LRRFIP2: variants seen among roughly 807,000 people sequenced by gnomAD.
LRRFIP2 encodes LRR binding FLII interacting protein 2.
LRRFIP2 carries 109 observed loss-of-function variants against 125.9 expected under a neutral mutation model. The ratio of observed to expected loss-of-function variants is 0.87; its 90% CI spans 0.74 to 1.01. The LOEUF is 1.01. LRRFIP2 is among the 50% of genes least tolerant of loss of function. The probability of loss-of-function intolerance (pLI) is 0.00; values close to 1 mark genes in which losing one functional copy is unlikely to be tolerated. For synonymous variants in LRRFIP2, 291 were observed against 293.1 expected (o/e 0.99, Z 0.07); for missense variants, 850 against 862.3 (o/e 0.99, Z 0.18).
At chr3:37,090,451 A>G (rs1257034554) in intron 18 of LRRFIP2, among the ~76,000 whole-genome samples, 8 of 152,058 alleles carry the variant, frequency 5.3e-5, no homozygotes. Flanking sequence ...GCTGGTCTCA[A>G]ACTCCTGACC....
chr3:37,154,562 A>T (rs2096127527), intron 1 of LRRFIP2: 1 of 152,220 alleles, frequency 6.6e-6, no homozygotes, highest in Non-Finnish European at 1.5e-5. Context: ...TTACCCACAT[A>T]GTGTCAAGTT....
chr3:37,083,920 A>G, intron 18 of LRRFIP2, 114 bp from the exon 19 acceptor site: 5 of 795,264 alleles, frequency 6.3e-6, no homozygotes, highest in South Asian at 1.9e-5. Flanking sequence ...TTCATAAAAT[A>G]CAAGCGGTTT....
intron 20 of LRRFIP2, among the ~76,000 whole-genome samples, chr3:37,073,880 G>T (rs1194231135): frequency 6.6e-6 from 1 of 151,980 alleles, no homozygotes; most frequent in Non-Finnish European, 1.5e-5. Flanking sequence ...AAAGATAAAA[G>T]AACAAAAAGG....
At chr3:37,074,401 A>G (rs1393372239) in intron 20 of LRRFIP2, among the ~76,000 whole-genome samples, 1 of 152,190 alleles carries the variant, frequency 6.6e-6, no homozygotes, top group Non-Finnish European at 1.5e-5. Flanking sequence ...ATCTAAAAAC[A>G]TCGTCTCAGG....
chr3:37,150,410 C>A (rs1038825999), intron 1 of LRRFIP2, among the ~76,000 whole-genome samples: 1 of 152,002 alleles, frequency 6.6e-6, no homozygotes, highest in Non-Finnish European at 1.5e-5. Flanking sequence ...TTCAGTGAGC[C>A]GAGGTTGCAC....
intron 18 of LRRFIP2, among the ~76,000 whole-genome samples, chr3:37,084,772 T>C (rs926682017): frequency 3.9e-5 from 6 of 152,162 alleles, no homozygotes; most frequent in Non-Finnish European, 8.8e-5. Context: ...TCTCAAAATT[T>C]TCTGCCTAAA....
chr3:37,125,357 A>G (rs1047985151), intron 4 of LRRFIP2, among the ~76,000 whole-genome samples: 1 of 152,238 alleles, frequency 6.6e-6, no homozygotes, highest in Admixed American at 6.5e-5. Flanking sequence ...GTTTAAAAAT[A>G]GAATCATTGG....
At chr3:37,115,262 A>C (rs1385400245) in intron 6 of LRRFIP2, among the ~76,000 whole-genome samples, 167 bp from the exon 7 acceptor site, 2 of 152,182 alleles carry the variant, frequency 1.3e-5, no homozygotes, top group African/African-American at 4.8e-5. Context: ...TCTTCCTCCT[A>C]CTTTTTCCTA....
rs137899859 is a variant in LRRFIP2 at position 37,061,736 on chromosome 3, G to A, written c.1749+2006C>T. On this transcript the variant is annotated intron_variant, in intron 24 of 27. Transcript: ENST00000336686. The stretch of plus-strand genomic sequence containing the variant: ...CCAGCCTCAGGTATTCCTTTATAGC[G>A]AAGCAAAAAATGGACTAACCCACCT... Among the ~76,000 whole-genome samples, 48 of 151,940 alleles carry A rather than the reference G, an allele frequency of 3.2e-4. 1 individual carries two copies. In the East Asian group the frequency reaches 7.5e-3, roughly 24 times the overall value.
At chr3:37,146,200 T>C (rs2095852440) in intron 2 of LRRFIP2, among the ~76,000 whole-genome samples, 1 of 152,226 alleles carries the variant, frequency 6.6e-6, no homozygotes, top group African/African-American at 2.4e-5. Flanking sequence ...AAATTTCAAC[T>C]ACAATTATGT....
chr3:37,062,740 T>G (rs1422453074), intron 24 of LRRFIP2, among the ~76,000 whole-genome samples: 2 of 152,158 alleles, frequency 1.3e-5, no homozygotes, highest in Non-Finnish European at 2.9e-5. Context: ...AGCCAAACTA[T>G]TTTAATCAAG....
chr3:37,098,550 G>A (rs534425574), intron 15 of LRRFIP2, among the ~76,000 whole-genome samples: 13 of 151,856 alleles, frequency 8.6e-5, no homozygotes, highest in Non-Finnish European at 1.6e-4. Flanking sequence ...CATCACGCCC[G>A]GCTAATTTTT....
At chr3:37,096,386 C>T (rs979002166) in intron 16 of LRRFIP2, among the ~76,000 whole-genome samples, 12 of 152,074 alleles carry the variant, frequency 7.9e-5, no homozygotes, top group African/African-American at 2.9e-4. Context: ...AAAGAGCAGC[C>T]AAAAGCTAAA....
intron 2 of LRRFIP2, among the ~76,000 whole-genome samples, chr3:37,131,039 T>C (rs988722188): frequency 1.2e-4 from 18 of 152,296 alleles, no homozygotes; most frequent in African/African-American, 4.3e-4. Context: ...GCATTACATT[T>C]GTAGGTGGAA....
chr3:37,094,375 T>C (rs958520186), intron 17 of LRRFIP2, among the ~76,000 whole-genome samples: 1 of 152,212 alleles, frequency 6.6e-6, no homozygotes, highest in Non-Finnish European at 1.5e-5. Flanking sequence ...TCTATTACTA[T>C]GAAAAACTGA....
chr3:37,075,991 T>C (rs935505446), intron 19 of LRRFIP2, among the ~76,000 whole-genome samples: 1 of 152,034 alleles, frequency 6.6e-6, no homozygotes, highest in Non-Finnish European at 1.5e-5. Flanking sequence ...GGATATCCAT[T>C]TGGAAAAAGA....
At chr3:37,161,521 G>A (rs887935446) in intron 1 of LRRFIP2, among the ~76,000 whole-genome samples, 2 of 152,256 alleles carry the variant, frequency 1.3e-5, no homozygotes, top group Middle Eastern at 6.8e-3. Context: ...GGGACAGAAA[G>A]TATAACAGAC....
intron 18 of LRRFIP2, among the ~76,000 whole-genome samples, chr3:37,090,677 G>A (rs1031243948): frequency 6.6e-6 from 1 of 152,168 alleles, no homozygotes; most frequent in Non-Finnish European, 1.5e-5. Flanking sequence ...CAAACTGTCT[G>A]CCTCACACAT....
chr3:37,066,413 A>C, intron 21 of LRRFIP2, 88 bp from the exon 22 acceptor site: 1 of 1,015,104 alleles, frequency 9.9e-7, no homozygotes, highest in African/African-American at 1.6e-5. Context: ...TCAAATAAGC[A>C]AAGATAAAGG....
Sources: allele counts gnomAD v4.1 joint callset (sites outside exome capture counted in the v4.1 genomes callset), GRCh38; gene constraint gnomAD v4.1.1; transcripts MANE v1.5; gene names NCBI Gene and HGNC (gene_info 2026-07-23, HGNC 2026-07-21).